Variants in DRC11 observed in about 807,000 individuals in gnomAD.
The protein encoded by DRC11 is IQ and AAA domain-containing protein 1.
chr2:236,335,686 G>T, the DRC11 span, among the ~76,000 whole-genome samples: 1 of 152,180 alleles, frequency 6.6e-6, no homozygotes, highest in Non-Finnish European at 1.5e-5. The surrounding 1 kb of genome is among the most constrained non-coding windows in gnomAD (Gnocchi z 5.6). Flanking sequence ...CCAGAATAAT[G>T]CTCCAGCCCC....
chr2:236,356,469 G>C, the DRC11 span, among the ~76,000 whole-genome samples: 35 of 152,306 alleles, frequency 2.3e-4, no homozygotes, highest in African/African-American at 7.5e-4. Flanking sequence ...ATGCGGAGCC[G>C]ATGCTTCCCC....
chr2:236,460,190 G>T, the DRC11 span, among the ~76,000 whole-genome samples: 4 of 152,148 alleles, frequency 2.6e-5, no homozygotes, highest in Non-Finnish European at 5.9e-5. This position sits in a 1 kb window ranked among gnomAD's most constrained non-coding sequence, Gnocchi z 4.0. Context: ...TCAAAAAGAG[G>T]CATTTTTACA....
At chr2:236,370,452 G>C in the DRC11 span, among the ~76,000 whole-genome samples, 3 of 152,172 alleles carry the variant, frequency 2.0e-5, no homozygotes, top group East Asian at 5.8e-4. This position sits in a 1 kb window ranked among gnomAD's most constrained non-coding sequence, Gnocchi z 5.5. Context: ...CTTGAGCCTG[G>C]GAGGAGAGAC....
At chr2:236,488,125 G>C in the DRC11 span, 7 of 1,610,646 alleles carry the variant, frequency 4.3e-6, no homozygotes, top group East Asian at 1.6e-4. Flanking sequence ...CGACCTTGCC[G>C]TGCCCTCTCA....
At chr2:236,356,732 G>A in the DRC11 span, among the ~76,000 whole-genome samples, 28 of 151,902 alleles carry the variant, frequency 1.8e-4, no homozygotes, top group African/African-American at 6.3e-4. Flanking sequence ...TTCCCGCTCC[G>A]CTGTCCCCTG....
chr2:236,366,975 ATTT>A, the DRC11 span, among the ~76,000 whole-genome samples: 3 of 127,386 alleles, frequency 2.4e-5, no homozygotes, highest in African/African-American at 3.0e-5. Flanking sequence ...ACACCCGGCT[ATTT>A]TTTTTTTTTT....
At chr2:236,328,442 TA>T in the DRC11 span, among the ~76,000 whole-genome samples, 1 of 152,178 alleles carries the variant, frequency 6.6e-6, no homozygotes, top group Non-Finnish European at 1.5e-5. This position sits in a 1 kb window ranked among gnomAD's most constrained non-coding sequence, Gnocchi z 6.7. Flanking sequence ...ATTCCCCACC[TA>T]GATCCCTGAG....
the DRC11 span, among the ~76,000 whole-genome samples, chr2:236,430,676 C>T: frequency 6.6e-6 from 1 of 152,188 alleles, no homozygotes; most frequent in African/African-American, 2.4e-5. This position sits in a 1 kb window ranked among gnomAD's most constrained non-coding sequence, Gnocchi z 6.0. Flanking sequence ...GTGAACATAT[C>T]TGCAGGATAA....
the DRC11 span, chr2:236,346,587 G>C: frequency 5.9e-6 from 1 of 168,190 alleles, no homozygotes; most frequent in Non-Finnish European, 1.5e-5. Context: ...CCTCTGCTTC[G>C]GAGCTGAGAA....
the DRC11 span, among the ~76,000 whole-genome samples, chr2:236,367,283 T>C: frequency 2.7e-5 from 4 of 148,194 alleles, no homozygotes; most frequent in Non-Finnish European, 4.5e-5. The surrounding 1 kb of genome is among the most constrained non-coding windows in gnomAD (Gnocchi z 4.8). Flanking sequence ...TTATGTGCTA[T>C]TATATATTAT....
chr2:236,416,741 A>ATTTT, the DRC11 span, among the ~76,000 whole-genome samples: 1 of 55,978 alleles, frequency 1.8e-5, no homozygotes, highest in Non-Finnish European at 3.8e-5. Context: ...ATATATATAT[A>ATTTT]TATATATATA....
chr2:236,436,687 C>A, the DRC11 span, among the ~76,000 whole-genome samples: 8 of 152,224 alleles, frequency 5.3e-5, no homozygotes, highest in Admixed American at 3.9e-4. Context: ...AGTCAGACTC[C>A]TTGAGTATGA....
At chr2:236,322,771 G>A in the DRC11 span, among the ~76,000 whole-genome samples, 2 of 152,312 alleles carry the variant, frequency 1.3e-5, no homozygotes, top group South Asian at 4.1e-4. Context: ...CAGTACATCA[G>A]TCACACCAGC....
chr2:236,369,769 A>G, the DRC11 span, among the ~76,000 whole-genome samples: 28,346 of 152,256 alleles, frequency 0.19, 2,912 homozygotes, highest in Non-Finnish European at 0.23. The surrounding 1 kb of genome is among the most constrained non-coding windows in gnomAD (Gnocchi z 4.5). Context: ...CAGTGGCCCC[A>G]CACAGAAGCC....
chr2:236,485,361 G>T, the DRC11 span, among the ~76,000 whole-genome samples: 7 of 152,006 alleles, frequency 4.6e-5, no homozygotes, highest in South Asian at 1.5e-3. Context: ...CCTCACCAGG[G>T]CTCTGTATGT....
chr2:236,433,462 T>A, the DRC11 span, among the ~76,000 whole-genome samples: 7 of 152,310 alleles, frequency 4.6e-5, no homozygotes, highest in South Asian at 1.5e-3. Flanking sequence ...AATGTACATT[T>A]ATCATTAAGC....
the DRC11 span, among the ~76,000 whole-genome samples, chr2:236,454,373 TA>T: frequency 6.6e-6 from 1 of 152,216 alleles, no homozygotes; most frequent in Non-Finnish European, 1.5e-5. This position sits in a 1 kb window ranked among gnomAD's most constrained non-coding sequence, Gnocchi z 5.3. Context: ...GCCTGGACCT[TA>T]AGTTCTCATC....
chr2:236,437,989 T>C, the DRC11 span, among the ~76,000 whole-genome samples: 9 of 139,374 alleles, frequency 6.5e-5, 1 homozygote, highest in Non-Finnish European at 1.4e-4. Context: ...GCCATTGCTT[T>C]TGGTGTTTTA....
the DRC11 span, among the ~76,000 whole-genome samples, chr2:236,505,673 G>A: frequency 2.0e-5 from 3 of 151,984 alleles, no homozygotes; most frequent in Non-Finnish European, 4.4e-5. Context: ...CACCTCCAGA[G>A]CACCCACCCA....
Sources: gnomAD v4.1 joint callset for allele counts (sites outside exome capture counted in the v4.1 genomes callset) on GRCh38, gnomAD v4.1.1 for gene constraint, Gnocchi (gnomAD v3.1) non-coding constraint, MANE v1.5 for transcripts, NCBI Gene and HGNC (gene_info 2026-07-23, HGNC 2026-07-21) for gene names.